Variants in DCC observed in about 807,000 individuals in gnomAD.
The protein encoded by DCC is netrin receptor DCC.
A neutral mutation model predicts 172.5 loss-of-function variants in DCC; 58 were observed. The observed-to-expected ratio is 0.34, with a 90% CI of 0.27 to 0.42. The LOEUF (loss-of-function observed/expected upper bound fraction) is 0.42, where lower values mean the gene tolerates loss of function less well. Among genes scored for constraint, DCC ranks in the 10% least tolerant of loss-of-function variants. DCC has a pLI of 1.00. For missense variants in DCC, 1,740 were observed against 1,791.0 expected (o/e 0.97, Z 0.51); for synonymous variants, 709 against 644.5 (o/e 1.10, Z -1.52).
chr18:53,173,666 A>G (rs559832548), intron 8 of DCC, among the ~76,000 whole-genome samples: 1 of 151,720 alleles, frequency 6.6e-6, no homozygotes, highest in African/African-American at 2.4e-5. Context: ...CAGGAGCACC[A>G]AGATTCATAA....
intron 1 of DCC, among the ~76,000 whole-genome samples, chr18:52,423,292 G>A (rs762909342): frequency 6.6e-6 from 1 of 152,140 alleles, no homozygotes; most frequent in Non-Finnish European, 1.5e-5. Context: ...GAGAAGCCCT[G>A]CAGAGGTAGA....
intron 22 of DCC, among the ~76,000 whole-genome samples, chr18:53,447,376 T>C (rs1409039267): frequency 1.3e-5 from 2 of 152,188 alleles, no homozygotes; most frequent in Non-Finnish European, 2.9e-5. Context: ...TGGGAACTTT[T>C]ATGAGGAAGT....
At chr18:53,232,852 G>A (rs890281495) in intron 12 of DCC, among the ~76,000 whole-genome samples, 4 of 151,600 alleles carry the variant, frequency 2.6e-5, no homozygotes, top group Non-Finnish European at 5.9e-5. Context: ...CAGCCCCTGT[G>A]TTCATCTGAA....
At chr18:52,769,703 G>C (rs1207195321) in intron 2 of DCC, among the ~76,000 whole-genome samples, 2 of 152,110 alleles carry the variant, frequency 1.3e-5, no homozygotes, top group Admixed American at 6.5e-5. Flanking sequence ...TTTTCTTCTA[G>C]TTTTATAGTT....
rs71175505 is a variant in DCC at position 52,540,597 on chromosome 18, CTTTTTTTT to C, written c.91+199739_91+199746del. 1.0e-4 allele frequency among the ~76,000 whole-genome samples: 7 copies of C among 67,488 alleles called. No homozygotes were observed. The Admixed American group carries it at 1.1e-3, about 10-fold the overall frequency. 44.3% of individuals were successfully genotyped at this position (67,488 alleles called of 152,430 possible). ...ACTACCGTTAGGTGTATTCAACTGCCTTTTTTTTTTTTTTTTTTTTTTTTTTTGAGACT... is the reference window on the plus strand; with the variant it reads ...ACTACCGTTAGGTGTATTCAACTGCCTTTTTTTTTTTTTTTTTTTGAGACT... On this transcript the variant is annotated intron_variant, in intron 1 of 28. Transcript: ENST00000442544.
chr18:53,391,169 A>T (rs1908521531), intron 16 of DCC, among the ~76,000 whole-genome samples: 1 of 151,786 alleles, frequency 6.6e-6, no homozygotes, highest in Admixed American at 6.6e-5. Context: ...AACAATGAAA[A>T]CAGAGAAACC....
chr18:52,720,483 T>C (rs2036456323), intron 1 of DCC, among the ~76,000 whole-genome samples: 1 of 152,156 alleles, frequency 6.6e-6, no homozygotes, highest in African/African-American at 2.4e-5. Flanking sequence ...AAGGGCCTCC[T>C]AGAGAAGTGA....
chr18:53,484,095 C>A (rs2045872784), intron 25 of DCC, among the ~76,000 whole-genome samples: 1 of 151,736 alleles, frequency 6.6e-6, no homozygotes, highest in Non-Finnish European at 1.5e-5. Flanking sequence ...GAACTTCTCC[C>A]AAATTACATG....
At chr18:52,575,441 G>T (rs369401067) in intron 1 of DCC, among the ~76,000 whole-genome samples, 19 of 152,260 alleles carry the variant, frequency 1.2e-4, no homozygotes, top group African/African-American at 3.9e-4. Flanking sequence ...GGTCAGGAAG[G>T]TTCTGGAAAT....
intron 1 of DCC, among the ~76,000 whole-genome samples, chr18:52,443,860 G>A (rs1049309557): frequency 6.6e-6 from 1 of 152,170 alleles, no homozygotes; most frequent in Non-Finnish European, 1.5e-5. Context: ...ACATGTATGA[G>A]TTAGAGACAG....
At chr18:53,168,155 G>A (rs2054952700) in intron 8 of DCC, among the ~76,000 whole-genome samples, 2 of 152,168 alleles carry the variant, frequency 1.3e-5, no homozygotes, top group Non-Finnish European at 2.9e-5. Flanking sequence ...AGACGGTGTA[G>A]CGATTCCTCA....
At chr18:53,371,243 T>C (rs2058057846) in intron 15 of DCC, among the ~76,000 whole-genome samples, 1 of 151,986 alleles carries the variant, frequency 6.6e-6, no homozygotes, top group East Asian at 1.9e-4. Flanking sequence ...TATTTTAAAC[T>C]GTGTTTCTCC....
chr18:52,894,933 A>C (rs2039706468), intron 2 of DCC, among the ~76,000 whole-genome samples: 1 of 152,232 alleles, frequency 6.6e-6, no homozygotes, highest in Non-Finnish European at 1.5e-5. Flanking sequence ...TGTTTGGCCA[A>C]AAGGCTGGGT....
intron 2 of DCC, among the ~76,000 whole-genome samples, chr18:52,793,177 G>T (rs2145210129): frequency 6.6e-6 from 1 of 152,274 alleles, no homozygotes; most frequent in South Asian, 2.1e-4. Context: ...GGGAAGGATT[G>T]TCACCCCACC....
chr18:52,810,630 C>T (rs976992825), intron 2 of DCC, among the ~76,000 whole-genome samples: 47 of 152,024 alleles, frequency 3.1e-4, no homozygotes, highest in African/African-American at 8.0e-4. Context: ...ATGGGGAGTG[C>T]GCACTGATTG....
chr18:52,392,885 C>G (rs1986083266), intron 1 of DCC, among the ~76,000 whole-genome samples: 1 of 151,952 alleles, frequency 6.6e-6, no homozygotes. Context: ...CATCCTGTTT[C>G]TGGCAAAAAG....
Position 53,133,481 on chromosome 18 carries a change from C to T in DCC, c.1262-23875C>T, listed in dbSNP as rs1365586274. 2.0e-5 allele frequency among the ~76,000 whole-genome samples: 3 copies of T among 152,270 alleles called. No individual in the cohort carries two copies. The East Asian group carries it at 5.8e-4, about 29-fold the overall frequency. On this transcript the variant is annotated intron_variant, in intron 7 of 28. Transcript: ENST00000442544. ...GTAACACATTCTCTACCCCTTTGCC[C>T]TGAGATACTTTCCTAGAATCACACA...
chr18:53,042,284 T>C (rs1298247227), intron 5 of DCC, among the ~76,000 whole-genome samples: 3 of 152,066 alleles, frequency 2.0e-5, no homozygotes, highest in Non-Finnish European at 4.4e-5. Context: ...TGTTATTGGT[T>C]CTGTTTATGT....
intron 1 of DCC, among the ~76,000 whole-genome samples, chr18:52,631,287 A>C (rs976522795): frequency 1.3e-5 from 2 of 152,214 alleles, no homozygotes; most frequent in Non-Finnish European, 2.9e-5. Context: ...TTGACTAATA[A>C]AAAGAGAGAG....
Sources: gnomAD v4.1 joint callset for allele counts (sites outside exome capture counted in the v4.1 genomes callset) on GRCh38, gnomAD v4.1.1 for gene constraint, MANE v1.5 for transcripts, NCBI Gene and HGNC (gene_info 2026-07-23, HGNC 2026-07-21) for gene names.